The following SUPT3H variants were observed in gnomAD, a reference collection of about 807,000 sequenced individuals.
SUPT3H encodes the protein transcription initiation protein SPT3 homolog.
Under a neutral mutation model 44.3 loss-of-function variants are expected in SUPT3H, and 44 were observed. That is an observed-to-expected ratio of 0.99 (90% CI 0.78 to 1.28). SUPT3H has a LOEUF of 1.28. SUPT3H is among the 50% of genes most tolerant of loss of function. The pLI is 0.00. For missense variants in SUPT3H, 380 were observed against 387.1 expected (o/e 0.98, Z 0.15); for synonymous variants, 124 against 125.6 (o/e 0.99, Z 0.09).
At chr6:44,906,222 A>T (rs1049104065) in intron 10 of SUPT3H, among the ~76,000 whole-genome samples, 12 of 152,192 alleles carry the variant, frequency 7.9e-5, no homozygotes, top group Admixed American at 3.3e-4. Flanking sequence ...AACAAAAGCC[A>T]TTATGCTTTT....
At chr6:45,281,247 G>C (rs1043467776) in intron 2 of SUPT3H, among the ~76,000 whole-genome samples, 4 of 152,210 alleles carry the variant, frequency 2.6e-5, no homozygotes, top group Admixed American at 6.5e-5. Context: ...AGTGGGGACA[G>C]GACAGTGGGT....
intron 6 of SUPT3H, among the ~76,000 whole-genome samples, chr6:45,001,385 A>G (rs1781983658): frequency 6.6e-6 from 1 of 152,058 alleles, no homozygotes; most frequent in East Asian, 1.9e-4. Flanking sequence ...AGAAAAATAA[A>G]TGTGTAAGAG....
rs370139375 is a variant in SUPT3H, at chr6:44,894,702, C to T, written c.912+37951G>A. On this transcript the variant is annotated intron_variant, in intron 10 of 10. Transcript: ENST00000371459. ...TTGGCTTAGGATTGACTTGGTGATG[C>T]GGTTTTTCAAATTATTTATAGTCTA... 5.1e-3 allele frequency among the ~76,000 whole-genome samples: 779 copies of T among 151,746 alleles called. 4 individuals carry two copies. Among genetic ancestry groups the T allele is most frequent in the African/African-American group, 0.017 (698 of 41,410 alleles).
intron 6 of SUPT3H, among the ~76,000 whole-genome samples, chr6:45,000,933 G>A (rs1387795774): frequency 2.0e-5 from 3 of 151,896 alleles, no homozygotes; most frequent in East Asian, 1.9e-4. Context: ...ACAAACTTAG[G>A]GGCTTACAAG....
At chr6:44,936,130 G>A (rs1268324871) in intron 9 of SUPT3H, among the ~76,000 whole-genome samples, 2 of 152,172 alleles carry the variant, frequency 1.3e-5, no homozygotes, top group Non-Finnish European at 2.9e-5. Flanking sequence ...GACCACAAAA[G>A]TTGATATGAT....
At chr6:44,988,522 A>T (rs1360562172) in intron 6 of SUPT3H, among the ~76,000 whole-genome samples, 37 of 61,432 alleles carry the variant, frequency 6.0e-4, no homozygotes, top group African/African-American at 1.6e-3. Context: ...GCTTAAATAA[A>T]AAAAAAAAAA....
intron 10 of SUPT3H, among the ~76,000 whole-genome samples, chr6:44,926,823 C>T (rs533624670): frequency 6.6e-6 from 1 of 152,214 alleles, no homozygotes; most frequent in South Asian, 2.1e-4. Context: ...GCTATAGTTG[C>T]TACTTTATTT....
chr6:45,003,925 T>C, intron 5 of SUPT3H, 133 bp from the exon 6 acceptor site: 3 of 1,017,956 alleles, frequency 2.9e-6, no homozygotes, highest in Non-Finnish European at 4.2e-6. Flanking sequence ...TTTAAAAAAT[T>C]CTTGCATTCA....
At chr6:45,091,474 A>T (rs1363227268) in intron 3 of SUPT3H, among the ~76,000 whole-genome samples, 1 of 152,052 alleles carries the variant, frequency 6.6e-6, no homozygotes, top group Non-Finnish European at 1.5e-5. Flanking sequence ...AGTACCCATT[A>T]AAAAAACAGC....
At chr6:45,321,585 A>G (rs1257378460) in intron 2 of SUPT3H, among the ~76,000 whole-genome samples, 2 of 152,160 alleles carry the variant, frequency 1.3e-5, no homozygotes, top group African/African-American at 4.8e-5. Context: ...AATCCAGTCC[A>G]TATTCCAAGT....
At chr6:44,872,695 C>G (rs1776602818) in intron 10 of SUPT3H, among the ~76,000 whole-genome samples, 1 of 58,644 alleles carries the variant, frequency 1.7e-5, no homozygotes, top group Non-Finnish European at 3.7e-5. Context: ...TTAAAAGACA[C>G]AGACTGGCAA....
intron 11 of SUPT3H, among the ~76,000 whole-genome samples, chr6:44,820,129 G>A (rs925473311): frequency 6.6e-6 from 1 of 152,148 alleles, no homozygotes; most frequent in Non-Finnish European, 1.5e-5. Flanking sequence ...TGAGGTGGGA[G>A]GATCATTTGA....
At chr6:44,966,570 T>G (rs1219810292) in intron 6 of SUPT3H, among the ~76,000 whole-genome samples, 1 of 152,020 alleles carries the variant, frequency 6.6e-6, no homozygotes, top group East Asian at 1.9e-4. Flanking sequence ...GAGGCAAAAC[T>G]AGAAGTAAAA....
intron 11 of SUPT3H, among the ~76,000 whole-genome samples, chr6:44,811,289 G>C (rs1007251927): frequency 6.6e-6 from 1 of 152,166 alleles, no homozygotes; most frequent in Non-Finnish European, 1.5e-5. Context: ...AGATTAGAAG[G>C]GGTTATGGGT....
chr6:45,331,314 G>A (rs1787463947), intron 2 of SUPT3H, among the ~76,000 whole-genome samples: 2 of 151,976 alleles, frequency 1.3e-5, no homozygotes, highest in African/African-American at 4.8e-5. Flanking sequence ...AATGACTCAT[G>A]AAAATATATC....
rs548742593 is a variant in SUPT3H at position 45,279,820 on chromosome 6, G to C, written c.101+85381C>G. Among the ~76,000 whole-genome samples, 3 of 152,272 alleles carry C rather than the reference G, an allele frequency of 2.0e-5. No individual in the cohort carries two copies. In the South Asian group the frequency reaches 6.2e-4, roughly 32 times the overall value. On this transcript the variant is annotated intron_variant, in intron 2 of 10. Coordinates refer to ENST00000371459, the MANE Select transcript of SUPT3H (RefSeq NM_003599.4). ...TGATAGAGCTGTTATATCCGGTCCAGAAATCTCTCCAGACTCACATCCAAT... is the reference window on the plus strand; with the variant it reads ...TGATAGAGCTGTTATATCCGGTCCACAAATCTCTCCAGACTCACATCCAAT...
intron 3 of SUPT3H, among the ~76,000 whole-genome samples, chr6:45,045,915 G>A (rs1446875453): frequency 6.6e-6 from 1 of 151,960 alleles, no homozygotes. Context: ...TTTTAATGTT[G>A]GTGAAGTTCA....
At chr6:44,824,867 C>G (rs1767624657), downstream of SUPT3H, among the ~76,000 whole-genome samples, 1 of 152,206 alleles carries the variant, frequency 6.6e-6, no homozygotes, top group Non-Finnish European at 1.5e-5. Context: ...TTCCCCCAGA[C>G]CTGCCTCACA....
chr6:44,968,542 C>G (rs1777103494), intron 6 of SUPT3H, among the ~76,000 whole-genome samples: 1 of 152,030 alleles, frequency 6.6e-6, no homozygotes, highest in African/African-American at 2.4e-5. Flanking sequence ...AGACTCCTTA[C>G]CCAAAAGCTA....
Sources: gnomAD v4.1 joint callset for allele counts (sites outside exome capture counted in the v4.1 genomes callset) on GRCh38, gnomAD v4.1.1 for gene constraint, MANE v1.5 for transcripts, NCBI Gene and HGNC (gene_info 2026-07-23, HGNC 2026-07-21) for gene names.